NCALD: variants seen among roughly 807,000 people sequenced by gnomAD.
The protein encoded by NCALD is neurocalcin-delta.
NCALD carries 10 observed loss-of-function variants against 18.6 expected under a neutral mutation model. That is an observed-to-expected ratio of 0.54 (90% CI 0.33 to 0.91). NCALD has a LOEUF of 0.91. NCALD is among the 40% of genes least tolerant of loss of function. The pLI is 0.03. For synonymous variants in NCALD, 88 were observed against 87.4 expected, an observed-to-expected ratio of 1.01 and a Z score of -0.04; for missense variants, 184 against 247.6, an observed-to-expected ratio of 0.74 and a Z score of 1.72.
intron 1 of NCALD, among the ~76,000 whole-genome samples, chr8:102,034,960 AAAC>A (rs900278093): frequency 6.6e-6 from 1 of 152,200 alleles, no homozygotes; most frequent in African/African-American, 2.4e-5. Flanking sequence ...TATACCCAAT[AAAC>A]AACAACATCC....
chr8:101,843,486 T>A (rs1425805606), intron 4 of NCALD, among the ~76,000 whole-genome samples: 1 of 152,140 alleles, frequency 6.6e-6, no homozygotes, highest in African/African-American at 2.4e-5. Context: ...TCTCTGCCCT[T>A]CATAATTTTA....
chr8:101,869,036 A>G (rs1405114435), intron 4 of NCALD, among the ~76,000 whole-genome samples: 4 of 152,174 alleles, frequency 2.6e-5, no homozygotes, highest in Admixed American at 2.0e-4. Context: ...AGGGCAGACA[A>G]AACAGTTCTA....
chr8:101,956,608 A>C (rs1819633272), intron 2 of NCALD, among the ~76,000 whole-genome samples: 1 of 152,086 alleles, frequency 6.6e-6, no homozygotes, highest in Non-Finnish European at 1.5e-5. Context: ...GGAGAGAGAG[A>C]GAGACAGACA....
At chr8:101,866,809 G>A (rs374110594) in intron 4 of NCALD, among the ~76,000 whole-genome samples, 5 of 152,156 alleles carry the variant, frequency 3.3e-5, no homozygotes, top group South Asian at 4.2e-4. Context: ...AACTGGTGTC[G>A]CTAGTTCTGT....
At chr8:102,101,209 G>A (rs562776389) in intron 1 of NCALD, among the ~76,000 whole-genome samples, 131 of 152,318 alleles carry the variant, frequency 8.6e-4, no homozygotes, top group South Asian at 2.7e-3. Flanking sequence ...AAGAGAACAC[G>A]CATCACTCAG....
intron 2 of NCALD, among the ~76,000 whole-genome samples, chr8:101,944,010 T>A (rs1819068617): frequency 6.6e-6 from 1 of 151,926 alleles, no homozygotes; most frequent in Non-Finnish European, 1.5e-5. Flanking sequence ...AGGGGCAACT[T>A]GTCCTGCTTA....
chr8:101,995,133 T>TGG (rs1444222872), intron 2 of NCALD, among the ~76,000 whole-genome samples: 1 of 152,170 alleles, frequency 6.6e-6, no homozygotes, highest in Non-Finnish European at 1.5e-5. Flanking sequence ...TAGCCCAGAC[T>TGG]GGGGACTTCT....
chr8:102,106,096 G>A (rs1362836972), intron 1 of NCALD, among the ~76,000 whole-genome samples: 1 of 150,608 alleles, frequency 6.6e-6, no homozygotes, highest in African/African-American at 2.4e-5. Flanking sequence ...TTGAGATGGA[G>A]TTTCACGCTG....
intron 3 of NCALD, among the ~76,000 whole-genome samples, chr8:101,900,670 C>G (rs1157763866): frequency 6.6e-6 from 1 of 151,930 alleles, no homozygotes; most frequent in African/African-American, 2.4e-5. Context: ...TTCCTGCCAT[C>G]TTTCTGTTGG....
At chr8:101,998,808 C>A (rs975825734) in intron 2 of NCALD, among the ~76,000 whole-genome samples, 3 of 152,132 alleles carry the variant, frequency 2.0e-5, no homozygotes, top group African/African-American at 7.2e-5. Context: ...CCAGCCAAGA[C>A]CCCAGTGTAA....
intron 1 of NCALD, among the ~76,000 whole-genome samples, chr8:101,764,121 T>C (rs949961365): frequency 6.6e-6 from 1 of 151,958 alleles, no homozygotes; most frequent in African/African-American, 2.4e-5. Flanking sequence ...GAGTCTGGAA[T>C]TGGGACTGAG....
intron 3 of NCALD, among the ~76,000 whole-genome samples, chr8:101,893,835 C>G (rs1270327639): frequency 6.9e-6 from 1 of 144,274 alleles, no homozygotes; most frequent in East Asian, 1.9e-4. Context: ...ATATATGCAC[C>G]CAATACAGGA....
intron 3 of NCALD, among the ~76,000 whole-genome samples, chr8:101,899,447 G>A (rs1215334366): frequency 6.6e-6 from 1 of 151,868 alleles, no homozygotes; most frequent in African/African-American, 2.4e-5. Context: ...AGTGGTGAGA[G>A]CAGTCATCCT....
At chr8:101,940,089 A>AC (rs1418722157) in intron 2 of NCALD, among the ~76,000 whole-genome samples, 1 of 152,180 alleles carries the variant, frequency 6.6e-6, no homozygotes, top group East Asian at 1.9e-4. Flanking sequence ...TTAAAGTTGT[A>AC]CTTCTTTAAA....
At chr8:101,854,511 G>T (rs1317154162) in intron 4 of NCALD, among the ~76,000 whole-genome samples, 1 of 151,966 alleles carries the variant, frequency 6.6e-6, no homozygotes, top group Non-Finnish European at 1.5e-5. Flanking sequence ...CTCATTTCCT[G>T]CATTCTAATA....
chr8:101,784,067 T>C (rs1812122595), intron 1 of NCALD, among the ~76,000 whole-genome samples: 1 of 152,122 alleles, frequency 6.6e-6, no homozygotes, highest in African/African-American at 2.4e-5. Context: ...TAACAACTTT[T>C]ATTTTGTCCA....
chr8:102,003,576 A>G (rs1821567312), intron 2 of NCALD, among the ~76,000 whole-genome samples: 1 of 152,218 alleles, frequency 6.6e-6, no homozygotes. Flanking sequence ...AGACACAACA[A>G]AAAGAGAATT....
At chr8:101,951,339 TGTA>T (rs1434562176) in intron 2 of NCALD, among the ~76,000 whole-genome samples, 1 of 151,724 alleles carries the variant, frequency 6.6e-6, no homozygotes, top group Non-Finnish European at 1.5e-5. Flanking sequence ...AGCAGGGAGG[TGTA>T]CAGGCAGCAT....
chr8:101,857,476 G>A lies in NCALD; in HGVS notation c.-20+29665C>T, dbSNP rs150036650. Reference sequence around the variant, plus strand: ...ACTGAGTTTAGTCTTCAAGCATAAAGCCCAAAGAAATAATATAATAGGGAC... The same window carrying A: ...ACTGAGTTTAGTCTTCAAGCATAAAACCCAAAGAAATAATATAATAGGGAC... On this transcript the variant is annotated intron_variant, in intron 4 of 6. Coordinates refer to the NCALD transcript ENST00000311028. Among the ~76,000 whole-genome samples the A allele has an allele frequency of 1.8e-3, 276 of 152,268 alleles. 1 individual carries two copies. The highest frequency in any genetic ancestry group is 6.8e-3 in the Middle Eastern group (2 of 294).
Sources: allele counts gnomAD v4.1 joint callset (sites outside exome capture counted in the v4.1 genomes callset), GRCh38; gene constraint gnomAD v4.1.1; transcripts MANE v1.5; gene names NCBI Gene and HGNC (gene_info 2026-07-23, HGNC 2026-07-21).